Variants in GRIN2B observed in about 807,000 individuals in gnomAD.
The protein encoded by GRIN2B is glutamate receptor ionotropic, NMDA 2B.
Under a neutral mutation model 114.5 loss-of-function variants are expected in GRIN2B, and 5 were observed. That is an observed-to-expected ratio of 0.04 (90% CI 0.02 to 0.09). The LOEUF (loss-of-function observed/expected upper bound fraction) is 0.09, where lower values mean the gene tolerates loss of function less well. Ranked by LOEUF, GRIN2B falls within the 10% of genes least tolerant of loss-of-function variation. The probability of loss-of-function intolerance (pLI) is 1.00; values close to 1 mark genes in which losing one functional copy is unlikely to be tolerated. For synonymous variants in GRIN2B, 787 were observed against 745.1 expected (o/e 1.06, Z -0.92); for missense variants, 1,108 against 1,943.5 (o/e 0.57, Z 8.08).
chr12:13,556,432 G>A lies in GRIN2B; in HGVS notation c.*6351C>T, dbSNP rs1004060299. 77 of 152,084 alleles carry A rather than the reference G, an allele frequency of 5.1e-4. No homozygotes were observed. Among genetic ancestry groups the A allele is most frequent in the African/African-American group, 1.8e-3 (76 of 41,478 alleles). The allele number at this position is 152,084 out of a possible 1,614,324, so 9.4% of individuals were successfully genotyped here. ...TATATCATTCACAGAACTAGCCTAG[G>A]GACATAGTACGTGCACAATAGACGT... On this transcript the variant is annotated 3_prime_UTR_variant, in exon 14 of 14. Transcript: ENST00000609686.
At chr12:13,862,943 T>G (rs1591772658) in intron 3 of GRIN2B, among the ~76,000 whole-genome samples, 2 of 152,342 alleles carry the variant, frequency 1.3e-5, no homozygotes, top group East Asian at 3.9e-4. Context: ...TTTTTCTTTC[T>G]TCTTTTCCCT....
At position 13,592,685 on chromosome 12, in the gene GRIN2B, T is replaced by C. The variant is rs1030108285; in HGVS notation, c.2010+15918A>G. Among the ~76,000 whole-genome samples, 5 of 152,192 alleles carry C rather than the reference T, an allele frequency of 3.3e-5. No individual in the cohort carries two copies. In the South Asian group the frequency reaches 6.2e-4, roughly 19 times the overall value. ...CCCCCATACTTCATTTATCTATACC[T>C]GTACTCCACTTGCTGAGCTCTGGTG... On this transcript the variant is annotated intron_variant, in intron 10 of 13. Transcript: ENST00000609686.
chr12:13,820,818 C>T (rs1417941004), intron 3 of GRIN2B, among the ~76,000 whole-genome samples: 1 of 152,140 alleles, frequency 6.6e-6, no homozygotes, highest in African/African-American at 2.4e-5. Context: ...ATTGCTTTAA[C>T]AGCCTGGTAA....
chr12:13,567,266 GGGGAAA>G lies in GRIN2B; in HGVS notation c.2360-9_2360-4del, dbSNP rs770518465. 2 of 1,605,710 alleles carry G rather than the reference GGGGAAA, an allele frequency of 1.2e-6. No homozygotes were observed. Among genetic ancestry groups the G allele is most frequent in the African/African-American group, 2.7e-5 (2 of 74,688 alleles). ...AGCTTCCAGTTCTTCCATCTCCCCT[GGGGAAA>G]GGACAGAGAAGGAAAATGGATAAAA... On this transcript the variant is annotated splice_polypyrimidine_tract_variant and splice_region_variant and intron_variant, in intron 12 of 13. Transcript: ENST00000609686.
intron 3 of GRIN2B, among the ~76,000 whole-genome samples, chr12:13,863,824 CA>C (rs758583570): frequency 3.3e-5 from 5 of 152,182 alleles, no homozygotes; most frequent in Non-Finnish European, 5.9e-5. Context: ...GGTTGCACAA[CA>C]GCCCACATGA....
intron 3 of GRIN2B, among the ~76,000 whole-genome samples, chr12:13,765,675 C>A (rs574955039): frequency 6.6e-6 from 1 of 152,328 alleles, no homozygotes; most frequent in East Asian, 1.9e-4. Context: ...TTATAGCAGG[C>A]TCCATGCTGT....
At chr12:13,761,727 GACAAGTTCAGCA>G (rs1863683898) in intron 3 of GRIN2B, among the ~76,000 whole-genome samples, 3 of 152,108 alleles carry the variant, frequency 2.0e-5, no homozygotes, top group African/African-American at 7.2e-5. Context: ...AGAGCAAGCT[GACAAGTTCAGCA>G]ACAATCAGGT....
At chr12:13,857,540 C>T (rs1865683701) in intron 3 of GRIN2B, among the ~76,000 whole-genome samples, 2 of 152,148 alleles carry the variant, frequency 1.3e-5, no homozygotes. Context: ...AACTGATGAA[C>T]CAAGATCCTA....
intron 2 of GRIN2B, among the ~76,000 whole-genome samples, chr12:13,896,260 C>A (rs1388119408): frequency 2.0e-5 from 3 of 152,024 alleles, no homozygotes; most frequent in Non-Finnish European, 4.4e-5. Context: ...AAGATGGGGA[C>A]AGGAGTGCAG....
chr12:13,777,218 G>A (rs1393499924), intron 3 of GRIN2B, among the ~76,000 whole-genome samples: 2 of 152,174 alleles, frequency 1.3e-5, no homozygotes, highest in Non-Finnish European at 2.9e-5. Flanking sequence ...AAAATAAAGA[G>A]TTAAAAATGG....
chr12:13,854,783 G>C (rs961956602), intron 3 of GRIN2B, among the ~76,000 whole-genome samples: 1 of 152,112 alleles, frequency 6.6e-6, no homozygotes, highest in African/African-American at 2.4e-5. Context: ...TTGATGGTTT[G>C]TGTTTCTGTT....
chr12:13,737,030 CA>C (rs368902113), intron 4 of GRIN2B, among the ~76,000 whole-genome samples: 5 of 100,622 alleles, frequency 5.0e-5, no homozygotes, highest in East Asian at 5.8e-4. Flanking sequence ...AACTCCATCT[CA>C]AAAAAAAAAA....
chr12:13,714,448 T>C (rs2136585052), intron 4 of GRIN2B, among the ~76,000 whole-genome samples: 1 of 151,950 alleles, frequency 6.6e-6, no homozygotes, highest in Admixed American at 6.6e-5. Context: ...TTCTAAGAAA[T>C]ACTGTATTTT....
In GRIN2B at chr12:13,564,576, T is replaced by C. The variant is rs200256539; in HGVS notation, c.2662A>G (p.Thr888Ala). 1 of 1,613,998 alleles carries C rather than the reference T, an allele frequency of 6.2e-7. No homozygotes were observed. Among genetic ancestry groups the C allele is most frequent in the South Asian group, 1.1e-5 (1 of 91,076 alleles). Residue 888 changes from threonine to alanine, a missense_variant, in exon 14 of 14, where the codon ACC becomes GCC. This residue lies in a region of GRIN2B where 27 missense variants were observed against 51.7 expected (regional missense o/e 0.52). Transcript: ENST00000609686. This position sits in a 1 kb window ranked among gnomAD's most constrained non-coding sequence, Gnocchi z 4.8. ...EERQSVMNSP[T>A]ATMNNTHSNI... is the part of the protein sequence containing the mutation. Reference sequence around the variant, plus strand: ...GAGTGTGTGTTGTTCATGGTTGCGGTGGGGGAGTTCATTACAGACTGGCGC... The same window carrying C: ...GAGTGTGTGTTGTTCATGGTTGCGGCGGGGGAGTTCATTACAGACTGGCGC...
intron 5 of GRIN2B, among the ~76,000 whole-genome samples, chr12:13,622,589 A>C (rs754522427): frequency 6.6e-5 from 10 of 152,120 alleles, no homozygotes; most frequent in Non-Finnish European, 1.5e-4. Flanking sequence ...ATAAAAAAAA[A>C]CACACAGACT....
At chr12:13,638,252 T>C (rs1396813445) in intron 5 of GRIN2B, among the ~76,000 whole-genome samples, 1 of 152,138 alleles carries the variant, frequency 6.6e-6, no homozygotes. Flanking sequence ...TTTCACACTA[T>C]TGTTCACAAG....
chr12:13,921,946 T>C (rs980295146), intron 2 of GRIN2B, among the ~76,000 whole-genome samples: 1 of 152,146 alleles, frequency 6.6e-6, no homozygotes, highest in African/African-American at 2.4e-5. Flanking sequence ...ATATATATTG[T>C]TAAATATGCA....
intron 3 of GRIN2B, among the ~76,000 whole-genome samples, chr12:13,848,841 C>T (rs907096387): frequency 6.6e-6 from 1 of 152,186 alleles, no homozygotes; most frequent in Admixed American, 6.5e-5. Context: ...GAAAGCTGAA[C>T]GGTGTCCTTA....
chr12:13,603,971 A>G (rs1949202195), intron 10 of GRIN2B, among the ~76,000 whole-genome samples: 1 of 152,156 alleles, frequency 6.6e-6, no homozygotes, highest in African/African-American at 2.4e-5. Context: ...AATAGCATAC[A>G]CAGAGCATAC....
Sources: gnomAD v4.1 joint callset for allele counts (sites outside exome capture counted in the v4.1 genomes callset) on GRCh38, gnomAD v4.1.1 for gene constraint, gnomAD v4.1.1 regional missense constraint, Gnocchi (gnomAD v3.1) non-coding constraint, MANE v1.5 for transcripts, NCBI Gene and HGNC (gene_info 2026-07-23, HGNC 2026-07-21) for gene names.